RPTOR: variants seen among roughly 807,000 people sequenced by gnomAD.
RPTOR encodes regulatory-associated protein of mTOR.
Under a neutral mutation model 169.9 loss-of-function variants are expected in RPTOR, and 21 were observed. That is an observed-to-expected ratio of 0.12 (90% CI 0.09 to 0.18). The LOEUF (loss-of-function observed/expected upper bound fraction) is 0.18, where lower values mean the gene tolerates loss of function less well. Among genes scored for constraint, RPTOR ranks in the 10% least tolerant of loss-of-function variants. RPTOR has a pLI of 1.00. For missense variants in RPTOR, 1,133 were observed against 1,855.9 expected (o/e 0.61, Z 7.16); for synonymous variants, 732 against 753.2 (o/e 0.97, Z 0.46).
At chr17:80,941,514 G>A (rs1020450172) in intron 25 of RPTOR, 5 of 152,342 alleles carry the variant, frequency 3.3e-5, no homozygotes, top group African/African-American at 4.8e-5. Context: ...CAGCAGTGGT[G>A]TCTCCGCACT....
Position 80,708,842 on chromosome 17 carries a change from A to G in RPTOR, c.507+843A>G. On this transcript the variant is annotated intron_variant, in intron 4 of 33. Transcript: ENST00000306801. The surrounding 1 kb of genome is among the most constrained non-coding windows in gnomAD (Gnocchi z 4.2). ...CCTGAGCGTGTCTATGAGGGCACTGATTTGGAATCCAGCAAATCCGAGTCC... is the reference window on the plus strand; with the variant it reads ...CCTGAGCGTGTCTATGAGGGCACTGGTTTGGAATCCAGCAAATCCGAGTCC... 1 of 757,022 alleles carries G rather than the reference A, an allele frequency of 1.3e-6. No individual in the cohort carries two copies. The highest frequency in any genetic ancestry group is 1.6e-6 in the Non-Finnish European group (1 of 621,416). The allele number at this position is 757,022 out of a possible 1,614,324, so 46.9% of individuals were successfully genotyped here. A position where few individuals can be genotyped will look rare whatever the true frequency, so the allele number is the denominator to read the frequency against.
At chr17:80,817,462 G>A (rs1004083804) in intron 7 of RPTOR, among the ~76,000 whole-genome samples, 4 of 152,050 alleles carry the variant, frequency 2.6e-5, no homozygotes, top group Non-Finnish European at 4.4e-5. Context: ...AGGCGCCCCC[G>A]AGAATCCAGG....
chr17:80,964,614 TTC>T lies in RPTOR; in HGVS notation c.*286_*287del. On this transcript the variant is annotated 3_prime_UTR_variant, in exon 34 of 34. Transcript: ENST00000306801. The stretch of plus-strand genomic sequence containing the variant: ...CCACGGCGCCTCTGTCCCTCTCCTG[TTC>T]TGTGTTTCTCTGAGACGCTGAAAGG... The T allele has an allele frequency of 2.0e-6, 1 of 495,254 alleles. No homozygotes were observed. The allele number at this position is 495,254 out of a possible 1,614,324, so 30.7% of individuals were successfully genotyped here.
intron 3 of RPTOR, among the ~76,000 whole-genome samples, chr17:80,674,802 A>C (rs879500168): frequency 0.08 from 8,718 of 108,358 alleles, 743 homozygotes; most frequent in Non-Finnish European, 0.099. Context: ...AAAAAAAAAA[A>C]AAAAAAAAAA....
chr17:80,567,218 G>A (rs1187871738), intron 1 of RPTOR, among the ~76,000 whole-genome samples: 1 of 151,858 alleles, frequency 6.6e-6, no homozygotes, highest in Non-Finnish European at 1.5e-5. Flanking sequence ...TGATCCACCT[G>A]CCTCAGCCTC....
intron 3 of RPTOR, among the ~76,000 whole-genome samples, chr17:80,677,581 C>T (rs2065869548): frequency 1.3e-5 from 2 of 152,174 alleles, no homozygotes; most frequent in Non-Finnish European, 2.9e-5. Flanking sequence ...TCCCACCTTC[C>T]CTCTCACCAG....
chr17:80,587,647 C>T (rs1450830948), intron 1 of RPTOR, among the ~76,000 whole-genome samples: 1 of 152,082 alleles, frequency 6.6e-6, no homozygotes, highest in Non-Finnish European at 1.5e-5. Context: ...CTGTAATTTA[C>T]TTCCCCCTGG....
intron 6 of RPTOR, among the ~76,000 whole-genome samples, chr17:80,760,310 T>TC (rs2066723149): frequency 7.0e-6 from 1 of 143,238 alleles, no homozygotes; most frequent in African/African-American, 2.6e-5. Flanking sequence ...CTTTTTTCTT[T>TC]TTTTTTTTTT....
intron 3 of RPTOR, among the ~76,000 whole-genome samples, chr17:80,662,825 T>C (rs2065734742): frequency 6.6e-6 from 1 of 152,140 alleles, no homozygotes; most frequent in Admixed American, 6.6e-5. Flanking sequence ...CAAAGGTGGT[T>C]TCAGTCCCTG....
intron 28 of RPTOR, among the ~76,000 whole-genome samples, chr17:80,952,500 C>T (rs2069192055): frequency 6.6e-6 from 1 of 152,194 alleles, no homozygotes; most frequent in Non-Finnish European, 1.5e-5. Context: ...TTGCCCCAGC[C>T]CCCACTCGCC....
chr17:80,835,278 T>C (rs1199440201), intron 9 of RPTOR, among the ~76,000 whole-genome samples: 1 of 152,212 alleles, frequency 6.6e-6, no homozygotes, highest in Non-Finnish European at 1.5e-5. Context: ...GATTTTAACA[T>C]TTTTCATTCT....
At chr17:80,893,295 C>G (rs1378931136) in intron 19 of RPTOR, among the ~76,000 whole-genome samples, 1 of 136,282 alleles carries the variant, frequency 7.3e-6, no homozygotes, top group Admixed American at 7.3e-5. Flanking sequence ...TGTGTGTGCG[C>G]CGGGTGTGTG....
At chr17:80,733,660 G>A (rs569664451) in intron 5 of RPTOR, among the ~76,000 whole-genome samples, 12 of 152,036 alleles carry the variant, frequency 7.9e-5, no homozygotes, top group Admixed American at 5.2e-4. Context: ...GAGAAACGAT[G>A]TGGAAGCCTG....
intron 1 of RPTOR, among the ~76,000 whole-genome samples, chr17:80,579,548 A>G (rs182852061): frequency 6.6e-6 from 1 of 152,324 alleles, no homozygotes; most frequent in East Asian, 1.9e-4. Context: ...CACCTGACTG[A>G]AGCCCAGAGA....
At chr17:80,634,153 A>G (rs1275088060) in intron 2 of RPTOR, among the ~76,000 whole-genome samples, 1 of 126,692 alleles carries the variant, frequency 7.9e-6, no homozygotes, top group African/African-American at 3.1e-5. Context: ...GCGTGTGCGT[A>G]CTGTGTGTGT....
intron 4 of RPTOR, among the ~76,000 whole-genome samples, chr17:80,725,744 G>C (rs974400383): frequency 1.3e-5 from 2 of 152,156 alleles, no homozygotes; most frequent in South Asian, 4.1e-4. Flanking sequence ...TCTGCATCCC[G>C]TGTTCTAATC....
At position 80,747,931 on chromosome 17, in the gene RPTOR, T is replaced by C. The variant is rs2066591975; in HGVS notation, c.655-6079T>C. Among the ~76,000 whole-genome samples, 3 of 152,170 alleles carry C rather than the reference T, an allele frequency of 2.0e-5. No individual in the cohort carries two copies. In the South Asian group the frequency reaches 6.2e-4, roughly 32 times the overall value. ...GCAGCGATGGAGGGACTGCAGTGTT[T>C]AGAGGCCATGGTGGGAGGACCTGTT... is the stretch of plus-strand genomic sequence containing the variant. On this transcript the variant is annotated intron_variant, in intron 5 of 33. Coordinates refer to ENST00000306801, the MANE Select transcript of RPTOR (RefSeq NM_020761.3).
In RPTOR at chr17:80,938,385, C is replaced by T. The variant is rs952681087; in HGVS notation, c.2920-2111C>T. On this transcript the variant is annotated intron_variant, in intron 24 of 33. Coordinates refer to ENST00000306801, the MANE Select transcript of RPTOR (RefSeq NM_020761.3). Reference sequence around the variant, plus strand: ...CCCACTCGAAAGTTCCTTCTAGACTCTTCCTCTAATTTATTCCCAGAGAAG... The same window carrying T: ...CCCACTCGAAAGTTCCTTCTAGACTTTTCCTCTAATTTATTCCCAGAGAAG... 3.9e-5 allele frequency among the ~76,000 whole-genome samples: 6 copies of T among 152,246 alleles called. No individual in the cohort carries two copies. The South Asian group carries it at 6.2e-4, about 16-fold the overall frequency.
At chr17:80,661,833 C>T (rs953526625) in intron 3 of RPTOR, among the ~76,000 whole-genome samples, 1 of 152,088 alleles carries the variant, frequency 6.6e-6, no homozygotes, top group Non-Finnish European at 1.5e-5. Context: ...AACGGAGTTG[C>T]CGCGAGTCTC....
Sources: allele counts gnomAD v4.1 joint callset (sites outside exome capture counted in the v4.1 genomes callset), GRCh38; gene constraint gnomAD v4.1.1; non-coding constraint Gnocchi (gnomAD v3.1); transcripts MANE v1.5; gene names NCBI Gene and HGNC (gene_info 2026-07-23, HGNC 2026-07-21).